Variants in SNX8 observed in about 807,000 individuals in gnomAD.
The protein encoded by SNX8 is sorting nexin 8.
Under a neutral mutation model 51.6 loss-of-function variants are expected in SNX8, and 25 were observed. The observed-to-expected ratio is 0.48, with a 90% CI of 0.35 to 0.68. The LOEUF (loss-of-function observed/expected upper bound fraction) is 0.68. SNX8 is among the 30% of genes least tolerant of loss of function. SNX8 has a pLI of 0.00. For missense variants in SNX8, 695 were observed against 624.0 expected, an observed-to-expected ratio of 1.11 and a Z score of -1.21; for synonymous variants, 324 against 277.0, an observed-to-expected ratio of 1.17 and a Z score of -1.68.
Position 2,255,098 on chromosome 7 carries a change from G to T in SNX8, c.1356C>A (p.Thr452=). ...CGTCCTCCGGCGGGGAGCACGGTGG[G>T]GTCAGGGTGCTGTGTGGTCCCGCAA... ...CLFAGPHSTL[T]PPCSPPEDGL... is the part of the protein sequence containing the mutation. Residue 452 remains threonine, a synonymous_variant, in exon 11 of 11, where the codon ACC becomes ACA. Transcript: ENST00000222990. 1 of 1,580,750 alleles carries T rather than the reference G, an allele frequency of 6.3e-7. No homozygotes were observed. The highest frequency in any genetic ancestry group is 8.6e-7 in the Non-Finnish European group (1 of 1,163,972).
At chr7:2,344,705 G>A (rs558813919) in intron 1 of SNX8, among the ~76,000 whole-genome samples, 1 of 151,898 alleles carries the variant, frequency 6.6e-6, no homozygotes, top group South Asian at 2.1e-4. Flanking sequence ...GATCATTTAA[G>A]TTCAGGATCA....
chr7:2,265,617 C>A (rs1480840515), intron 5 of SNX8, among the ~76,000 whole-genome samples: 2 of 152,148 alleles, frequency 1.3e-5, no homozygotes, highest in Non-Finnish European at 1.5e-5. Context: ...TGCACTCCAG[C>A]CTGGGGACCC....
At position 2,252,165 on chromosome 7, in the gene SNX8, A is replaced by C. The variant is rs1795049652; in HGVS notation, c.*2891T>G. ...ACAACCCCCCTCCCACGGCCCCGCC[A>C]GCCGTCCTCACAGGGCAGGCGGCAT... On this transcript the variant is annotated 3_prime_UTR_variant, in exon 11 of 11. Coordinates refer to ENST00000222990, the MANE Select transcript of SNX8 (RefSeq NM_013321.4). The C allele has an allele frequency of 6.6e-6, 1 of 151,894 alleles. No individual in the cohort carries two copies. The highest frequency in any genetic ancestry group is 2.1e-4 in the South Asian group (1 of 4,798). The allele number at this position is 151,894 out of a possible 1,614,324, so 9.4% of individuals were successfully genotyped here.
chr7:2,307,426 G>A (rs1209673530), intron 1 of SNX8, among the ~76,000 whole-genome samples: 2 of 152,002 alleles, frequency 1.3e-5, no homozygotes, highest in Non-Finnish European at 2.9e-5. Context: ...GAGGTTCCAA[G>A]TTCGAGACCA....
At chr7:2,296,727 T>C (rs1307457137) in intron 1 of SNX8, among the ~76,000 whole-genome samples, 1 of 151,760 alleles carries the variant, frequency 6.6e-6, no homozygotes, top group African/African-American at 2.4e-5. Context: ...GGTCAGGAGT[T>C]CGAGACCAGC....
chr7:2,291,053 G>A (rs1460645466), intron 1 of SNX8, among the ~76,000 whole-genome samples: 1 of 152,144 alleles, frequency 6.6e-6, no homozygotes, highest in African/African-American at 2.4e-5. Context: ...CAGAACTTTG[G>A]GAGGCTGAGG....
chr7:2,262,165 G>A (rs868643827), intron 7 of SNX8, among the ~76,000 whole-genome samples: 1 of 152,156 alleles, frequency 6.6e-6, no homozygotes, highest in Non-Finnish European at 1.5e-5. Context: ...AGCCTCGTGA[G>A]TAGCTGGGAC....
chr7:2,285,786 C>G lies in SNX8; in HGVS notation c.95-7481G>C, dbSNP rs569729561. ...GGCTCAAGCAATCCTCCCACCTCAG[C>G]CTCCCAAGTAGCTGGAACTATAAAT... On this transcript the variant is annotated intron_variant, in intron 1 of 10. Coordinates refer to ENST00000222990, the MANE Select transcript of SNX8 (RefSeq NM_013321.4). Among the ~76,000 whole-genome samples, 5 of 152,242 alleles carry G rather than the reference C, an allele frequency of 3.3e-5. No homozygotes were observed. The South Asian group carries it at 1.0e-3, about 32-fold the overall frequency.
intron 1 of SNX8, among the ~76,000 whole-genome samples, chr7:2,310,318 A>G (rs1019388216): frequency 4.6e-5 from 7 of 152,150 alleles, no homozygotes; most frequent in African/African-American, 1.7e-4. Flanking sequence ...ATATTTTGAC[A>G]GGAATAGTTT....
intron 6 of SNX8, 24 bp downstream of exon 6, chr7:2,264,274 T>C: frequency 6.3e-7 from 1 of 1,599,342 alleles, no homozygotes; most frequent in Non-Finnish European, 8.5e-7. Flanking sequence ...CGCGTGCCCC[T>C]GCAGAAGCTG....
At chr7:2,326,244 G>A (rs954309529) in intron 1 of SNX8, among the ~76,000 whole-genome samples, 18 of 152,096 alleles carry the variant, frequency 1.2e-4, no homozygotes, top group Non-Finnish European at 2.1e-4. Context: ...ACATGTCTGT[G>A]ATCCTAGTTA....
chr7:2,347,842 C>T (rs1779061110), intron 1 of SNX8, among the ~76,000 whole-genome samples: 2 of 151,870 alleles, frequency 1.3e-5, no homozygotes, highest in Admixed American at 1.3e-4. Flanking sequence ...TGGGGTTTCG[C>T]CATATTAGCC....
At chr7:2,303,720 G>A (rs1171898862) in intron 1 of SNX8, among the ~76,000 whole-genome samples, 6 of 152,114 alleles carry the variant, frequency 3.9e-5, no homozygotes, top group South Asian at 2.1e-4. Context: ...TAAGGGCGGT[G>A]CAAGATATGC....
intron 1 of SNX8, among the ~76,000 whole-genome samples, chr7:2,299,765 G>A (rs1485378157): frequency 6.6e-6 from 1 of 152,044 alleles, no homozygotes; most frequent in Non-Finnish European, 1.5e-5. Context: ...ACATGAAAGT[G>A]AAAAGATTCC....
chr7:2,306,187 G>A (rs1451113735), intron 1 of SNX8, among the ~76,000 whole-genome samples: 1 of 152,022 alleles, frequency 6.6e-6, no homozygotes, highest in Non-Finnish European at 1.5e-5. Flanking sequence ...TGTCGCCCAG[G>A]CTGGAGTGCA....
At chr7:2,338,572 C>T (rs886519634) in intron 1 of SNX8, among the ~76,000 whole-genome samples, 3 of 151,646 alleles carry the variant, frequency 2.0e-5, no homozygotes, top group African/African-American at 7.3e-5. Flanking sequence ...AGGCTGAGGT[C>T]GCAGTGACCC....
rs551416967 is a variant in SNX8, at chr7:2,331,169, A to G, written c.-66+23053T>C. Among the ~76,000 whole-genome samples, 70 of 134,794 alleles carry G rather than the reference A, an allele frequency of 5.2e-4. 1 individual carries two copies. Among genetic ancestry groups the G allele is most frequent in the African/African-American group, 1.4e-3 (55 of 38,110 alleles). 88.4% of individuals were successfully genotyped at this position (134,794 alleles called of 152,430 possible). A position where few individuals can be genotyped will look rare whatever the true frequency, so the allele number is the denominator to read the frequency against. Reference sequence around the variant, plus strand: ...CTACTGCACTCCAGCCTGGCGACAGAGCGAGACTCTGTCTCAAAAAAAAAA... The same window carrying G: ...CTACTGCACTCCAGCCTGGCGACAGGGCGAGACTCTGTCTCAAAAAAAAAA... On this transcript the variant is annotated intron_variant, in intron 1 of 5. Coordinates refer to the SNX8 transcript ENST00000435336.
intron 1 of SNX8, among the ~76,000 whole-genome samples, chr7:2,308,329 T>C (rs1796590787): frequency 1.3e-5 from 2 of 151,140 alleles, no homozygotes; most frequent in South Asian, 4.2e-4. Context: ...AATAAACTTG[T>C]AAAAAAAATA....
intron 1 of SNX8, among the ~76,000 whole-genome samples, chr7:2,312,702 C>T (rs948324725): frequency 6.6e-6 from 1 of 152,118 alleles, no homozygotes; most frequent in Non-Finnish European, 1.5e-5. Flanking sequence ...TCAGTCATCA[C>T]CTCCTCAGCG....
Sources: allele counts gnomAD v4.1 joint callset (sites outside exome capture counted in the v4.1 genomes callset), GRCh38; gene constraint gnomAD v4.1.1; transcripts MANE v1.5; gene names NCBI Gene and HGNC (gene_info 2026-07-23, HGNC 2026-07-21).